Variants in LZTR1 observed in about 807,000 individuals in gnomAD.
LZTR1 encodes the protein leucine zipper like post translational regulator 1, also known as leucine-zipper-like transcriptional regulator 1.
LZTR1 carries 260 observed loss-of-function variants against 105.7 expected under a neutral mutation model. That is an observed-to-expected ratio of 2.46 (90% CI 2.22 to 2.72). The LOEUF (loss-of-function observed/expected upper bound fraction) is 2.72. Among genes scored for constraint, LZTR1 ranks in the 30% most tolerant of loss-of-function variants. The probability of loss-of-function intolerance (pLI) is 0.00; values close to 1 mark genes in which losing one functional copy is unlikely to be tolerated. For synonymous variants in LZTR1, 490 were observed against 476.4 expected (o/e 1.03, Z -0.37); for missense variants, 1,214 against 1,166.9 (o/e 1.04, Z -0.59).
chr22:20,994,797 C>A (rs1438049123), intron 15 of LZTR1, 70 bp downstream of exon 15: 1 of 1,608,272 alleles, frequency 6.2e-7, no homozygotes, highest in Non-Finnish European at 8.5e-7. Flanking sequence ...TCCCTGCCCA[C>A]CACTGTGAGC....
At chr22:20,987,790 T>C (rs577823840) in intron 4 of LZTR1, among the ~76,000 whole-genome samples, 1 of 152,350 alleles carries the variant, frequency 6.6e-6, no homozygotes, top group South Asian at 2.1e-4. Flanking sequence ...GTTGGGTGTC[T>C]TTCTGTGTTA....
Position 20,997,276 on chromosome 22 carries a change from G to A in LZTR1, c.2451G>A (p.Leu817=), listed in dbSNP as rs2147970983. The stretch of plus-strand genomic sequence containing the variant: ...TGCGGTCGCTGAGCCAGCAGCTGCT[G>A]CTGGACATCATAGACTCCCTGGCCT... The part of the protein sequence containing the change: ...PTLRSLSQQL[L]LDIIDSLASH... The change falls in exon 21 of 21, where the codon CTG becomes CTA. Residue 817 remains leucine (L), a synonymous_variant. Coordinates refer to ENST00000646124, the MANE Select transcript of LZTR1 (RefSeq NM_006767.4). The A allele has an allele frequency of 6.2e-7, 1 of 1,613,958 alleles. No homozygotes were observed. Among genetic ancestry groups the A allele is most frequent in the Non-Finnish European group, 8.5e-7 (1 of 1,180,016 alleles).
chr22:20,997,540 G>A lies in LZTR1; in HGVS notation c.*192G>A. ...ACTCATTAATTCACTGAAGACACAG[G>A]TCCCACAGGGAGCGGATGATGAAGC... On this transcript the variant is annotated 3_prime_UTR_variant, in exon 21 of 21. Transcript: ENST00000646124. 1.8e-6 allele frequency: 1 copy of A among 559,840 alleles called. No homozygotes were observed. The highest frequency in any genetic ancestry group is 3.2e-6 in the Non-Finnish European group (1 of 310,670). The allele number at this position is 559,840 out of a possible 1,614,324, so 34.7% of individuals were successfully genotyped here.
intron 3 of LZTR1, 133 bp downstream of exon 3, chr22:20,986,030 G>A (rs1257173478): frequency 7.6e-6 from 7 of 917,474 alleles, no homozygotes; most frequent in East Asian, 5.3e-5. Flanking sequence ...AGATAACCAC[G>A]GCCTCAGGGA....
At chr22:20,996,593 C>T (rs1308003591) in intron 18 of LZTR1, 103 bp from the exon 19 acceptor site, 3 of 859,188 alleles carry the variant, frequency 3.5e-6, no homozygotes, top group South Asian at 1.5e-5. Flanking sequence ...GGAGAGCATG[C>T]TGGCGTGGGG....
At position 20,991,798 on chromosome 22, in the gene LZTR1, G is replaced by A; in HGVS notation, c.962G>A (p.Trp321Ter). The change falls in exon 9 of 21, where the codon TGG becomes TAG. Residue 321 changes from tryptophan to a stop codon, truncating the protein, a stop_gained. Coordinates refer to ENST00000646124, the MANE Select transcript of LZTR1 (RefSeq NM_006767.4). LOFTEE classifies it high-confidence loss of function. ...LHCYDVDFQT[W>*]EVVQPSSDSE... is the part of the protein sequence containing the mutation. ...TGCTATGACGTGGACTTCCAGACCT[G>A]GGAGGTCGTCCAGCCCAGCTCCGAC... The A allele has an allele frequency of 6.4e-7, 1 of 1,551,674 alleles. No homozygotes were observed. Among genetic ancestry groups the A allele is most frequent in the South Asian group, 1.2e-5 (1 of 84,152 alleles).
At chr22:20,992,468 C>T (rs1601720035) in intron 10 of LZTR1, 99 bp downstream of exon 10, 1 of 1,322,456 alleles carries the variant, frequency 7.6e-7, no homozygotes, top group East Asian at 2.5e-5. Flanking sequence ...CCGAGAAATA[C>T]TTGCTTGGGG....
chr22:20,998,980 T>C lies in LZTR1; in HGVS notation c.*1632T>C, dbSNP rs958813076. ...GCTGACCCTTGTCACTGAACCCTGATCTAGACTTATATGAATAAATGAAAT... is the reference window on the plus strand; with the variant it reads ...GCTGACCCTTGTCACTGAACCCTGACCTAGACTTATATGAATAAATGAAAT... On this transcript the variant is annotated 3_prime_UTR_variant, in exon 21 of 21. Coordinates refer to ENST00000646124, the MANE Select transcript of LZTR1 (RefSeq NM_006767.4). The C allele has an allele frequency of 6.6e-6, 1 of 152,216 alleles. No individual in the cohort carries two copies. The highest frequency in any genetic ancestry group is 2.4e-5 in the African/African-American group (1 of 41,454). 9.4% of individuals were successfully genotyped at this position (152,216 alleles called of 1,614,324 possible). A position where few individuals can be genotyped will look rare whatever the true frequency, so the allele number is the denominator to read the frequency against.
In LZTR1 at chr22:20,995,809, T is replaced by A. The variant is rs1285166539; in HGVS notation, c.2006T>A (p.Ile669Asn). Residue 669 changes from isoleucine (I) to asparagine (N), a missense_variant, in exon 17 of 21, where the codon ATC becomes AAC. Transcript: ENST00000646124. Reference sequence around the variant, plus strand: ...GGAGCGGGCGCGGAATTCTGTGACATCACTCTGTTGCTTGACGGGCACCCA... The same window carrying A: ...GGAGCGGGCGCGGAATTCTGTGACAACACTCTGTTGCTTGACGGGCACCCA... ...LEGAGAEFCD[I>N]TLLLDGHPRP... 6.2e-7 allele frequency: 1 copy of A among 1,613,354 alleles called. No homozygotes were observed. Among genetic ancestry groups the A allele is most frequent in the African/African-American group, 1.3e-5 (1 of 74,864 alleles).
intron 2 of LZTR1, 128 bp downstream of exon 2, chr22:20,983,217 A>G: frequency 1.3e-6 from 1 of 790,358 alleles, no homozygotes; most frequent in Non-Finnish European, 2.2e-6. Flanking sequence ...CAGTTTCCCC[A>G]TCTGTGAGAT....
chr22:20,993,975 TG>T lies in LZTR1; in HGVS notation c.1407del (p.Trp469CysfsTer87). 1 of 1,612,564 alleles carries T rather than the reference TG, an allele frequency of 6.2e-7. No individual in the cohort carries two copies. The highest frequency in any genetic ancestry group is 8.5e-7 in the Non-Finnish European group (1 of 1,179,818). On this transcript the variant is annotated frameshift_variant, in exon 13 of 21. Coordinates refer to ENST00000646124, the MANE Select transcript of LZTR1 (RefSeq NM_006767.4). LOFTEE classifies it high-confidence loss of function. The stretch of plus-strand genomic sequence containing the variant: ...AGCCATTGTCACAGCGCGGAGCCGC[TG>T]GCTTCGCAGGAAGATCACGCAGGCG... ...HVAIVTARSR[W>X]LRRKITQARE...
Position 20,998,530 on chromosome 22 carries a change from G to A in LZTR1, c.*1182G>A, listed in dbSNP as rs1283303324. On this transcript the variant is annotated 3_prime_UTR_variant, in exon 21 of 21. Coordinates refer to ENST00000646124, the MANE Select transcript of LZTR1 (RefSeq NM_006767.4). ...CATGAAGCCACAGCTCCTTGGGGAA[G>A]TGACCTGCTCTCCTTTGGGTGTATG... The A allele has an allele frequency of 6.6e-6, 1 of 152,334 alleles. No homozygotes were observed. The highest frequency in any genetic ancestry group is 2.1e-4 in the South Asian group (1 of 4,836). The allele number at this position is 152,334 out of a possible 1,614,324, so 9.4% of individuals were successfully genotyped here.
Position 20,989,476 on chromosome 22 carries a change from C to A in LZTR1, c.594-149C>A. ...AGGGATTTGAGGCAGTGGCTGCCAC[C>A]CCACACAGAAGTTCCCGCCTCATGG... On this transcript the variant is annotated intron_variant, in intron 6 of 20. Transcript: ENST00000646124. The A allele has an allele frequency of 8.4e-6, 6 of 714,828 alleles. No homozygotes were observed. In the South Asian group the frequency reaches 9.0e-5, roughly 11 times the overall value. The allele number at this position is 714,828 out of a possible 1,614,324, so 44.3% of individuals were successfully genotyped here. A position where few individuals can be genotyped will look rare whatever the true frequency, so the allele number is the denominator to read the frequency against.
At position 20,982,391 on chromosome 22, in the gene LZTR1, CGGGGG is replaced by C; in HGVS notation, c.23_27del (p.Gly8AlafsTer24). On this transcript the variant is annotated frameshift_variant, in exon 1 of 21. Transcript: ENST00000646124. LOFTEE classifies it high-confidence loss of function. ...CCCGGGATGGCTGGACCGGGCAGCACGGGGGGGCAGATCGGGGCTGCGGCCCTGGC... is the reference window on the plus strand; with the variant it reads ...CCCGGGATGGCTGGACCGGGCAGCACGGCAGATCGGGGCTGCGGCCCTGGC... 1 of 1,558,298 alleles carries C rather than the reference CGGGGG, an allele frequency of 6.4e-7. No homozygotes were observed. The highest frequency in any genetic ancestry group is 8.7e-7 in the Non-Finnish European group (1 of 1,150,818).
rs1172885823 is a variant in LZTR1 at position 20,997,685 on chromosome 22, G to C, written c.*337G>C. ...TGGGCCTCCCACCCAGTGGGGCTTGGCCTGGCTTCTGTGGCCTGGGCGTGT... is the reference window on the plus strand; with the variant it reads ...TGGGCCTCCCACCCAGTGGGGCTTGCCCTGGCTTCTGTGGCCTGGGCGTGT... On this transcript the variant is annotated 3_prime_UTR_variant, in exon 21 of 21. Transcript: ENST00000646124. 2 of 228,350 alleles carry C rather than the reference G, an allele frequency of 8.8e-6. No homozygotes were observed. Among genetic ancestry groups the C allele is most frequent in the African/African-American group, 4.5e-5 (2 of 43,966 alleles). The allele number at this position is 228,350 out of a possible 1,614,324, so 14.1% of individuals were successfully genotyped here.
At chr22:20,992,665 C>A (rs1049263098) in intron 10 of LZTR1, 129 bp from the exon 11 acceptor site, 2 of 668,296 alleles carry the variant, frequency 3.0e-6, no homozygotes, top group Non-Finnish European at 5.2e-6. Context: ...GGGCCCTCAT[C>A]CCTTGGGGAC....
intron 8 of LZTR1, 84 bp downstream of exon 8, chr22:20,990,609 G>A (rs1282328927): frequency 6.4e-6 from 9 of 1,414,116 alleles, no homozygotes; most frequent in African/African-American, 1.4e-5. Context: ...TCTTGCACCT[G>A]GTGGCCATGG....
At chr22:20,989,785 G>A in intron 7 of LZTR1, 103 bp downstream of exon 7, 1 of 1,251,136 alleles carries the variant, frequency 8.0e-7, no homozygotes, top group Non-Finnish European at 1.1e-6. Context: ...CAGGGTGCAG[G>A]TGGAGGGAGG....
rs898900997 is a variant in LZTR1 at position 20,998,873 on chromosome 22, C to G, written c.*1525C>G. The G allele has an allele frequency of 6.6e-6, 1 of 152,320 alleles. No homozygotes were observed. The highest frequency in any genetic ancestry group is 2.4e-5 in the African/African-American group (1 of 41,476). The allele number at this position is 152,320 out of a possible 1,614,324, so 9.4% of individuals were successfully genotyped here. ...TCCACAAGATGTGGCTCCTGCCACACCCACAGGGCAGCCTCCTCCAAATCC... is the reference window on the plus strand; with the variant it reads ...TCCACAAGATGTGGCTCCTGCCACAGCCACAGGGCAGCCTCCTCCAAATCC... On this transcript the variant is annotated 3_prime_UTR_variant, in exon 21 of 21. Transcript: ENST00000646124.
Sources: gnomAD v4.1 joint callset for allele counts (sites outside exome capture counted in the v4.1 genomes callset) on GRCh38, gnomAD v4.1.1 for gene constraint, MANE v1.5 for transcripts, NCBI Gene and HGNC (gene_info 2026-07-23, HGNC 2026-07-21) for gene names.